GNG2: variants seen among roughly 807,000 people sequenced by gnomAD.
GNG2 encodes guanine nucleotide-binding protein G(I)/G(S)/G(O) subunit gamma-2.
A neutral mutation model predicts 5.5 loss-of-function variants in GNG2; 5 were observed. That is an observed-to-expected ratio of 0.91 (90% confidence interval 0.48 to 1.92). The LOEUF is 1.92. Among genes scored for constraint, GNG2 ranks in the 30% most tolerant of loss-of-function variants. GNG2 has a pLI of 0.01. For missense variants in GNG2, 55 were observed against 88.4 expected, an observed-to-expected ratio of 0.62 and a Z score of 1.52; for synonymous variants, 28 against 32.0, an observed-to-expected ratio of 0.88 and a Z score of 0.42.
In GNG2 at chr14:51,968,618, G is replaced by A. The variant is rs946313197; in HGVS notation, c.*1931G>A. 2.0e-5 allele frequency: 3 copies of A among 152,066 alleles called. No individual in the cohort carries two copies. Among genetic ancestry groups the A allele is most frequent in the African/African-American group, 7.2e-5 (3 of 41,386 alleles). 9.4% of individuals were successfully genotyped at this position (152,066 alleles called of 1,614,324 possible). A position where few individuals can be genotyped will look rare whatever the true frequency, so the allele number is the denominator to read the frequency against. On this transcript the variant is annotated 3_prime_UTR_variant, in exon 4 of 4. Transcript: ENST00000556766. ...ATTGTGGGGTTTTTGTTACAGTTAG[G>A]ACGCCCATGAAGATTTAGGGGTGAA...
chr14:51,917,381 C>A (rs977328580), intron 2 of GNG2: 2 of 456,122 alleles, frequency 4.4e-6, no homozygotes, highest in South Asian at 3.1e-5. Context: ...ATTTGTCAGA[C>A]AGCAACGACA....
chr14:51,943,194 T>C (rs1229266418), intron 2 of GNG2, among the ~76,000 whole-genome samples: 4 of 152,182 alleles, frequency 2.6e-5, no homozygotes, highest in South Asian at 4.1e-4. Context: ...ACTAGGCCGA[T>C]GGGGTGAGGG....
At chr14:51,844,527 G>C (rs1881571020) in intron 2 of GNG2, among the ~76,000 whole-genome samples, 1 of 152,182 alleles carries the variant, frequency 6.6e-6, no homozygotes. Context: ...GTGTGTGTGT[G>C]TGGGTGGAGA....
intron 2 of GNG2, among the ~76,000 whole-genome samples, chr14:51,844,913 G>C (rs1188328124): frequency 6.6e-6 from 1 of 152,080 alleles, no homozygotes; most frequent in Admixed American, 6.5e-5. Flanking sequence ...TTTTAGTAGG[G>C]ATGGGGTTTC....
intron 2 of GNG2, among the ~76,000 whole-genome samples, chr14:51,846,907 GTT>G (rs1437447788): frequency 2.6e-5 from 4 of 152,128 alleles, no homozygotes; most frequent in African/African-American, 9.7e-5. Flanking sequence ...TTTTGGTTTT[GTT>G]TTGTTTTCTC....
At chr14:51,840,532 C>T (rs1367384889) in intron 2 of GNG2, among the ~76,000 whole-genome samples, 2 of 152,198 alleles carry the variant, frequency 1.3e-5, no homozygotes, top group East Asian at 1.9e-4. Flanking sequence ...TCTGTTCTCC[C>T]TCTTCCACTG....
At chr14:51,880,983 A>AAC (rs1446760057) in intron 2 of GNG2, among the ~76,000 whole-genome samples, 1 of 150,812 alleles carries the variant, frequency 6.6e-6, no homozygotes, top group Non-Finnish European at 1.5e-5. Context: ...AAAAAAAAAA[A>AAC]AAAAACCCTG....
rs142157409 is a variant in GNG2, at chr14:51,942,571, C to CTTT, written c.-29-8078_-29-8077insTTT. 4.8e-4 allele frequency among the ~76,000 whole-genome samples: 27 copies of CTTT among 55,682 alleles called. No individual in the cohort carries two copies. The East Asian group carries it at 1.0e-2, about 21-fold the overall frequency. The allele number at this position is 55,682 out of a possible 152,430, so 36.5% of individuals were successfully genotyped here. A position where few individuals can be genotyped will look rare whatever the true frequency, so the allele number is the denominator to read the frequency against. On this transcript the variant is annotated intron_variant, in intron 2 of 3. Transcript: ENST00000556766. ...ATTATTAGAATTTTATTTATTTTTT[C>CTTT]TCTTTCTTTCTTTCTTTCTTTTTTT... is the stretch of plus-strand genomic sequence containing the variant.
rs1171941968 is a variant in GNG2 at position 51,966,609 on chromosome 14, G to A, written c.138G>A (p.Lys46=). The change falls in exon 4 of 4, where the codon AAG becomes AAA. Residue 46 remains lysine (K), a synonymous_variant. Transcript: ENST00000556766. ...DLMAYCEAHA[K]EDPLLTPVPA... Reference sequence around the variant, plus strand: ...TGGCCTACTGTGAAGCACATGCCAAGGAAGACCCCCTCCTGACCCCTGTTC... The same window carrying A: ...TGGCCTACTGTGAAGCACATGCCAAAGAAGACCCCCTCCTGACCCCTGTTC... 1.2e-6 allele frequency: 2 copies of A among 1,613,572 alleles called. No individual in the cohort carries two copies. The highest frequency in any genetic ancestry group is 1.7e-6 in the Non-Finnish European group (2 of 1,179,480).
intron 2 of GNG2, among the ~76,000 whole-genome samples, chr14:51,936,240 T>C (rs1489107414): frequency 1.3e-5 from 2 of 152,226 alleles, no homozygotes; most frequent in African/African-American, 2.4e-5. Flanking sequence ...TGCAAGATAC[T>C]TCTGGGTCCT....
chr14:51,828,060 C>A (rs1400824004), intron 2 of GNG2, among the ~76,000 whole-genome samples: 1 of 152,178 alleles, frequency 6.6e-6, no homozygotes, highest in Non-Finnish European at 1.5e-5. Flanking sequence ...GGATGAGAGG[C>A]CTCGGTAGAA....
intron 2 of GNG2, among the ~76,000 whole-genome samples, chr14:51,882,940 G>A (rs1247969538): frequency 6.6e-6 from 1 of 150,994 alleles, no homozygotes; most frequent in African/African-American, 2.4e-5. Flanking sequence ...AACCCAGGAG[G>A]CGGAGCTTGC....
At chr14:51,890,905 G>GGGAGACACAC (rs58819134) in intron 2 of GNG2, among the ~76,000 whole-genome samples, 75,731 of 151,976 alleles carry the variant, frequency 0.5, 19,282 homozygotes, top group African/African-American at 0.6. Context: ...CATGGTATAT[G>GGGAGACACAC]AAATTGAGTA....
At chr14:51,929,504 C>T (rs1392259866) in intron 2 of GNG2, among the ~76,000 whole-genome samples, 2 of 152,152 alleles carry the variant, frequency 1.3e-5, no homozygotes, top group East Asian at 1.9e-4. Flanking sequence ...AGGATTTGCT[C>T]CTCCAAGCAA....
intron 2 of GNG2, among the ~76,000 whole-genome samples, chr14:51,896,715 T>C (rs1225135042): frequency 2.0e-5 from 3 of 152,180 alleles, no homozygotes; most frequent in Admixed American, 2.0e-4. Context: ...TTAATAACTA[T>C]GGCATTTATA....
At chr14:51,962,337 G>T (rs1047568837) in intron 3 of GNG2, among the ~76,000 whole-genome samples, 2 of 152,124 alleles carry the variant, frequency 1.3e-5, no homozygotes, top group Non-Finnish European at 2.9e-5. Context: ...CAGTGTTGAG[G>T]TGTCTGCAAT....
At chr14:51,851,592 G>C (rs944717666) in intron 2 of GNG2, among the ~76,000 whole-genome samples, 2 of 152,186 alleles carry the variant, frequency 1.3e-5, no homozygotes, top group Non-Finnish European at 2.9e-5. Flanking sequence ...ACAGACTTAA[G>C]GGTAGAAAGA....
At chr14:51,875,493 A>G (rs1449752601) in intron 1 of GNG2, among the ~76,000 whole-genome samples, 2 of 152,220 alleles carry the variant, frequency 1.3e-5, no homozygotes, top group African/African-American at 4.8e-5. Context: ...ATGTTGGGGT[A>G]TATCTAGCAA....
chr14:51,854,685 G>A (rs1428503834), intron 2 of GNG2, among the ~76,000 whole-genome samples: 1 of 151,904 alleles, frequency 6.6e-6, no homozygotes, highest in Non-Finnish European at 1.5e-5. Context: ...GCTAATTTTT[G>A]TATTTTTAGT....
Sources: allele counts gnomAD v4.1 joint callset (sites outside exome capture counted in the v4.1 genomes callset), GRCh38; gene constraint gnomAD v4.1.1; transcripts MANE v1.5; gene names NCBI Gene and HGNC (gene_info 2026-07-23, HGNC 2026-07-21).